The following CCL26 variants were observed in gnomAD, a reference collection of about 807,000 sequenced individuals.
The protein encoded by CCL26 is C-C motif chemokine 26.
A neutral mutation model predicts 10.7 loss-of-function variants in CCL26; 10 were observed. The observed-to-expected ratio is 0.93, with a 90% CI of 0.57 to 1.58. The LOEUF (loss-of-function observed/expected upper bound fraction) is 1.58, where lower values mean the gene tolerates loss of function less well. Among genes scored for constraint, CCL26 ranks in the 40% most tolerant of loss-of-function variants. CCL26 has a pLI of 0.00. For missense variants in CCL26, 116 were observed against 111.0 expected (o/e 1.05, Z -0.20); for synonymous variants, 43 against 41.4 (o/e 1.04, Z -0.15).
upstream of CCL26, among the ~76,000 whole-genome samples, chr7:75,774,721 C>T (rs1802897095): frequency 6.6e-6 from 1 of 151,572 alleles, no homozygotes; most frequent in Non-Finnish European, 1.5e-5. Flanking sequence ...GCTGAAATTG[C>T]AGGTGTGAGC....
At chr7:75,789,096 A>ATTT (rs527793902) in intron 1 of CCL26, among the ~76,000 whole-genome samples, 2,537 of 110,836 alleles carry the variant, frequency 0.023, 114 homozygotes, top group African/African-American at 0.077. Flanking sequence ...TCATTTTTTG[A>ATTT]TTTTTTTTTT....
chr7:75,777,210 C>T (rs1226536201), upstream of CCL26, among the ~76,000 whole-genome samples: 1 of 152,070 alleles, frequency 6.6e-6, no homozygotes, highest in Non-Finnish European at 1.5e-5. Context: ...CCAGCCTGCG[C>T]AGCAAGAGTG....
At chr7:75,785,838 C>A (rs1272389997) in intron 1 of CCL26, among the ~76,000 whole-genome samples, 1 of 152,166 alleles carries the variant, frequency 6.6e-6, no homozygotes, top group African/African-American at 2.4e-5. Flanking sequence ...AGCCAAAGTG[C>A]AGGGCTGTGC....
chr7:75,782,209 C>G (rs374051546), intron 1 of CCL26, among the ~76,000 whole-genome samples: 1 of 151,972 alleles, frequency 6.6e-6, no homozygotes, highest in Admixed American at 6.6e-5. Flanking sequence ...TTTTCTGGTA[C>G]AGACAAAGGA....
chr7:75,790,864 A>T (rs1335699034), upstream of CCL26, among the ~76,000 whole-genome samples: 1 of 150,132 alleles, frequency 6.7e-6, no homozygotes, highest in East Asian at 2.0e-4. Context: ...GAATAGCTTG[A>T]GTTTGGAAGG....
chr7:75,771,103 G>A (rs782429363), intron 2 of CCL26, among the ~76,000 whole-genome samples: 3 of 148,186 alleles, frequency 2.0e-5, no homozygotes, highest in Non-Finnish European at 3.0e-5. Context: ...TCTTTTGTTA[G>A]GGATGAAGTC....
chr7:75,788,019 T>C (rs1554530230), intron 1 of CCL26, among the ~76,000 whole-genome samples: 1 of 151,984 alleles, frequency 6.6e-6, no homozygotes, highest in African/African-American at 2.4e-5. Flanking sequence ...CCACTCTAGG[T>C]TCCCATGCCG....
rs548003251 is a variant in CCL26 at position 75,780,224 on chromosome 7, C to T, written c.-78-7970G>A. ...GCACCTCCCACCCCTTCTCCACTTT[C>T]CTGGGAGGCAAGCATTCCCCACCCC... is the stretch of plus-strand genomic sequence containing the variant. On this transcript the variant is annotated intron_variant, in intron 1 of 3. Coordinates refer to the CCL26 transcript ENST00000394905. Among the ~76,000 whole-genome samples, 5 of 151,760 alleles carry T rather than the reference C, an allele frequency of 3.3e-5. No homozygotes were observed. The South Asian group carries it at 1.0e-3, about 32-fold the overall frequency.
chr7:75,772,731 A>G (rs1936930224), upstream of CCL26, among the ~76,000 whole-genome samples: 1 of 152,144 alleles, frequency 6.6e-6, no homozygotes, highest in South Asian at 2.1e-4. Context: ...ATTGAATTCC[A>G]TCAACAGGGA....
chr7:75,778,307 G>A (rs950777032), intron 1 of CCL26, among the ~76,000 whole-genome samples: 24 of 151,580 alleles, frequency 1.6e-4, no homozygotes, highest in Non-Finnish European at 3.1e-4. Flanking sequence ...CTGCAGCCTT[G>A]ACCTCCTGGG....
At chr7:75,788,216 G>A (rs192521845) in intron 1 of CCL26, among the ~76,000 whole-genome samples, 3 of 152,248 alleles carry the variant, frequency 2.0e-5, no homozygotes, top group East Asian at 3.9e-4. Context: ...TGACCTGCAC[G>A]TATACATCCA....
intron 1 of CCL26, among the ~76,000 whole-genome samples, chr7:75,787,034 C>T (rs1300809360): frequency 6.6e-6 from 1 of 152,132 alleles, no homozygotes; most frequent in Non-Finnish European, 1.5e-5. Context: ...TGCCCCCGCC[C>T]AGGACTGGCA....
intron 1 of CCL26, among the ~76,000 whole-genome samples, chr7:75,780,908 C>A (rs1359163167): frequency 6.6e-6 from 1 of 152,182 alleles, no homozygotes; most frequent in Non-Finnish European, 1.5e-5. Flanking sequence ...AGTTTCGTTC[C>A]ATGACTAGCC....
At chr7:75,787,450 C>T (rs1047261600) in intron 1 of CCL26, among the ~76,000 whole-genome samples, 6 of 151,888 alleles carry the variant, frequency 4.0e-5, no homozygotes, top group African/African-American at 1.2e-4. Flanking sequence ...CAAGATCATC[C>T]TGGCTAACAT....
At chr7:75,775,873 C>T (rs1390310656), upstream of CCL26, among the ~76,000 whole-genome samples, 1 of 151,494 alleles carries the variant, frequency 6.6e-6, no homozygotes, top group African/African-American at 2.4e-5. Flanking sequence ...GAGTCTCATT[C>T]TGTCACCCAG....
chr7:75,776,752 T>C (rs62475531), upstream of CCL26, among the ~76,000 whole-genome samples: 1 of 152,144 alleles, frequency 6.6e-6, no homozygotes, highest in African/African-American at 2.4e-5. Context: ...TGTGCCACTA[T>C]GCACACACTC....
upstream of CCL26, among the ~76,000 whole-genome samples, chr7:75,790,080 C>T (rs1563342270): frequency 7.7e-6 from 1 of 129,544 alleles, no homozygotes; most frequent in Non-Finnish European, 1.6e-5. Flanking sequence ...TTCTTTTCTT[C>T]CTTCTTCCCC....
At chr7:75,772,238 A>G, upstream of CCL26, 6 of 1,248,534 alleles carry the variant, frequency 4.8e-6, no homozygotes, top group South Asian at 1.3e-5. Flanking sequence ...ATCCCCTTTT[A>G]TGAGACTGAG....
At chr7:75,778,162 A>G (rs1327632365) in intron 1 of CCL26, among the ~76,000 whole-genome samples, 5 of 152,172 alleles carry the variant, frequency 3.3e-5, no homozygotes, top group Non-Finnish European at 7.3e-5. Context: ...CATTCCCACC[A>G]ACAGAGTCGA....
Sources: gnomAD v4.1 joint callset for allele counts (sites outside exome capture counted in the v4.1 genomes callset) on GRCh38, gnomAD v4.1.1 for gene constraint, MANE v1.5 for transcripts, NCBI Gene and HGNC (gene_info 2026-07-23, HGNC 2026-07-21) for gene names.